The following GOLGB1 variants were observed in gnomAD, a reference collection of about 807,000 sequenced individuals.
The protein encoded by GOLGB1 is golgin subfamily B member 1.
In GOLGB1, 174 loss-of-function variants were observed where a neutral mutation model predicts 336.9. That is an observed-to-expected ratio of 0.52 (90% CI 0.46 to 0.59). The LOEUF is 0.59. Among genes scored for constraint, GOLGB1 ranks in the 20% least tolerant of loss-of-function variants. The probability of loss-of-function intolerance (pLI) is 0.00; values close to 1 mark genes in which losing one functional copy is unlikely to be tolerated. For missense variants in GOLGB1, 3,331 were observed against 3,645.3 expected, an observed-to-expected ratio of 0.91 and a Z score of 2.22; for synonymous variants, 1,208 against 1,289.2, an observed-to-expected ratio of 0.94 and a Z score of 1.35.
intron 17 of GOLGB1, among the ~76,000 whole-genome samples, chr3:121,672,923 A>G (rs888277734): frequency 6.6e-6 from 1 of 152,190 alleles, no homozygotes; most frequent in Non-Finnish European, 1.5e-5. Context: ...CCTTTGTCAA[A>G]GACAAGTTGC....
At chr3:121,693,656 T>A in intron 13 of GOLGB1, 85 bp downstream of exon 13, 2 of 1,011,682 alleles carry the variant, frequency 2.0e-6, no homozygotes, top group South Asian at 3.2e-5. Flanking sequence ...ATTAGTCCCA[T>A]TGTCTAAAAG....
At chr3:121,692,615 T>TTTTCTTGAAATCTGTAA in intron 13 of GOLGB1, 34 bp from the exon 14 acceptor site, 1 of 1,308,014 alleles carries the variant, frequency 7.6e-7, no homozygotes, top group Non-Finnish European at 1.1e-6. Context: ...GTTACAGATT[T>TTTTCTTGAAATCTGTAA]CAAGAAAAAA....
At position 121,686,456 on chromosome 3, in the gene GOLGB1, C is replaced by T. The variant is rs1356811607; in HGVS notation, c.8694+4214G>A. Among the ~76,000 whole-genome samples, 3 of 152,054 alleles carry T rather than the reference C, an allele frequency of 2.0e-5. No homozygotes were observed. In the East Asian group the frequency reaches 5.8e-4, roughly 29 times the overall value. Reference sequence around the variant, plus strand: ...TCCTTCTCAGTCCCTTTTATTTTATCTTGAAAAATTGTTTATATCTTTATA... The same window carrying T: ...TCCTTCTCAGTCCCTTTTATTTTATTTTGAAAAATTGTTTATATCTTTATA... On this transcript the variant is annotated intron_variant, in intron 14 of 21. Transcript: ENST00000614479.
chr3:121,673,178 T>TC (rs1374105454), intron 17 of GOLGB1, among the ~76,000 whole-genome samples: 1 of 151,874 alleles, frequency 6.6e-6, no homozygotes, highest in Non-Finnish European at 1.5e-5. Context: ...CAAGCAATTC[T>TC]CTGCCTCAGT....
At chr3:121,701,021 G>T (rs1451650205) in intron 11 of GOLGB1, among the ~76,000 whole-genome samples, 1 of 152,132 alleles carries the variant, frequency 6.6e-6, no homozygotes, top group Non-Finnish European at 1.5e-5. Context: ...AGCCACCATA[G>T]ATGAGACAAG....
intron 1 of GOLGB1, among the ~76,000 whole-genome samples, chr3:121,740,428 C>A (rs1191079303): frequency 6.6e-6 from 1 of 152,058 alleles, no homozygotes; most frequent in African/African-American, 2.4e-5. Flanking sequence ...AACATGATAT[C>A]CTGAATTGAA....
rs570772462 is a variant in GOLGB1 at position 121,726,599 on chromosome 3, A to G, written c.531+314T>C. 3.9e-5 allele frequency among the ~76,000 whole-genome samples: 6 copies of G among 151,982 alleles called. No homozygotes were observed. In the East Asian group the frequency reaches 1.2e-3, roughly 29 times the overall value. ...CAGTATAGAAGATAAAAAAACAGAA[A>G]AAACACAAAAACAAACAAAAAATAG... On this transcript the variant is annotated intron_variant, in intron 5 of 21. Coordinates refer to ENST00000614479, the MANE Select transcript of GOLGB1 (RefSeq NM_001366282.2).
chr3:121,709,065 T>C (rs886144551), intron 10 of GOLGB1, among the ~76,000 whole-genome samples: 4 of 152,160 alleles, frequency 2.6e-5, no homozygotes, highest in Admixed American at 1.3e-4. Flanking sequence ...TAATGCCAGA[T>C]ACAGAGAAAT....
intron 1 of GOLGB1, among the ~76,000 whole-genome samples, chr3:121,747,358 C>T (rs1490709094): frequency 2.9e-5 from 4 of 136,074 alleles, no homozygotes; most frequent in Non-Finnish European, 4.7e-5. Context: ...TGTGTATATA[C>T]GTATATATAC....
At position 121,694,533 on chromosome 3, in the gene GOLGB1, T is replaced by C. The variant is rs1055817598; in HGVS notation, c.5990A>G (p.Glu1997Gly). 2 of 1,612,576 alleles carry C rather than the reference T, an allele frequency of 1.2e-6. No individual in the cohort carries two copies. The highest frequency in any genetic ancestry group is 2.7e-5 in the African/African-American group (2 of 75,002). The part of the protein sequence containing the change: ...VESEIRKEYL[E>G]KIQGAQKEPG... Reference sequence around the variant, plus strand: ...TTCTTTCTGAGCACCTTGTATTTTCTCCAAATATTCCTTTCGTATTTCTGA... The same window carrying C: ...TTCTTTCTGAGCACCTTGTATTTTCCCCAAATATTCCTTTCGTATTTCTGA... Residue 1997 changes from glutamate (E) to glycine (G), a missense_variant, in exon 13 of 22, where the codon GAG becomes GGG. Physicochemically the swap from Glu to Gly is moderately conservative, Grantham distance 98. Coordinates refer to ENST00000614479, the MANE Select transcript of GOLGB1 (RefSeq NM_001366282.2).
Position 121,677,617 on chromosome 3 carries a change from A to C in GOLGB1, c.8874-167T>G, listed in dbSNP as rs1486852744. On this transcript the variant is annotated intron_variant, in intron 15 of 21. Coordinates refer to ENST00000614479, the MANE Select transcript of GOLGB1 (RefSeq NM_001366282.2). ...GGAAAGAGAGAAAATGTGGGGGAAA[A>C]AACAGGAATCTTTTTTTCTCTATCT... 3.3e-5 allele frequency among the ~76,000 whole-genome samples: 5 copies of C among 152,222 alleles called. No homozygotes were observed. The East Asian group carries it at 9.6e-4, about 29-fold the overall frequency.
intron 1 of GOLGB1, among the ~76,000 whole-genome samples, chr3:121,735,841 T>A (rs541231622): frequency 6.6e-6 from 1 of 152,206 alleles, no homozygotes; most frequent in South Asian, 2.1e-4. Flanking sequence ...AATGAGCGCA[T>A]CCAGATCTCG....
intron 4 of GOLGB1, 109 bp downstream of exon 4, chr3:121,729,079 T>G (rs1397662969): frequency 9.7e-6 from 7 of 724,672 alleles, no homozygotes; most frequent in Non-Finnish European, 1.6e-5. Context: ...CAAAACATTA[T>G]TTAGTGCTGT....
intron 10 of GOLGB1, among the ~76,000 whole-genome samples, chr3:121,712,444 GATAA>G (rs1944428853): frequency 6.6e-6 from 1 of 151,908 alleles, no homozygotes; most frequent in South Asian, 2.1e-4. Flanking sequence ...AATAAAAAAT[GATAA>G]ATAATTAAGC....
chr3:121,681,515 T>C (rs974301287), intron 15 of GOLGB1, among the ~76,000 whole-genome samples, 172 bp downstream of exon 15: 1 of 152,232 alleles, frequency 6.6e-6, no homozygotes, highest in Non-Finnish European at 1.5e-5. Context: ...ATTGTACCAA[T>C]GGCAGTTTCC....
rs756835482 is a variant in GOLGB1 at position 121,692,535 on chromosome 3, C to G, written c.6829G>C (p.Val2277Leu). The G allele has an allele frequency of 1.2e-6, 2 of 1,608,454 alleles. No homozygotes were observed. Among genetic ancestry groups the G allele is most frequent in the Non-Finnish European group, 1.7e-6 (2 of 1,178,308 alleles). Residue 2277 changes from valine (V) to leucine (L), a missense_variant, in exon 14 of 22, where the codon GTC becomes CTC. Physicochemically the swap from Val to Leu is conservative, Grantham distance 32. Transcript: ENST00000614479. The part of the protein sequence containing the change: ...QIWESKAQTE[V>L]QLQQKVCDTL... ...TCACAGACCTTCTGCTGAAGCTGGA[C>G]CTCTGTCTGGGCCTTGGACTCCCAA...
Position 121,677,342 on chromosome 3 carries a change from C to T in GOLGB1, c.8982G>A (p.Arg2994=), listed in dbSNP as rs762579926. ...TCTGGGAGGAAGAAGACCTCAATTC[C>T]CTTATAAGATTCTGCAGATGACTGA... ...QQLSHLQNLI[R]ELRSSSSQTQ... The change falls in exon 16 of 22, where the codon AGG becomes AGA. Residue 2994 remains arginine, a synonymous_variant. Transcript: ENST00000614479. The T allele has an allele frequency of 8.7e-6, 14 of 1,611,280 alleles. No homozygotes were observed. The Admixed American group carries it at 1.5e-4, about 17-fold the overall frequency.
In GOLGB1 at chr3:121,698,468, C is replaced by A. The variant is rs1264400871; in HGVS notation, c.2055G>T (p.Gln685His). 1 of 1,613,746 alleles carries A rather than the reference C, an allele frequency of 6.2e-7. No individual in the cohort carries two copies. Among genetic ancestry groups the A allele is most frequent in the East Asian group, 2.2e-5 (1 of 44,892 alleles). The change falls in exon 13 of 22, where the codon CAG becomes CAT. Residue 685 changes from glutamine to histidine, a missense_variant. Transcript: ENST00000614479. ...ACCTTTCCAACTCATCCTGATGACA[C>A]TGACCAATATCTGGTACAGCAGAAA... ...KSLSAVPDIG[Q>H]CHQDELERLK...
chr3:121,729,447 T>C, intron 3 of GOLGB1, 107 bp from the exon 4 acceptor site: 1 of 930,234 alleles, frequency 1.1e-6, no homozygotes, highest in Non-Finnish European at 1.6e-6. Flanking sequence ...AGGGTATCTC[T>C]CTGTTACCAG....
Sources: allele counts gnomAD v4.1 joint callset (sites outside exome capture counted in the v4.1 genomes callset), GRCh38; gene constraint gnomAD v4.1.1; transcripts MANE v1.5; gene names NCBI Gene and HGNC (gene_info 2026-07-23, HGNC 2026-07-21).